The following XKR4 variants were observed in gnomAD, a reference collection of about 807,000 sequenced individuals.
The protein encoded by XKR4 is XK related 4, also known as XK-related protein 4.
Under a neutral mutation model 53.9 loss-of-function variants are expected in XKR4, and 12 were observed. The ratio of observed to expected loss-of-function variants is 0.22; its 90% confidence interval spans 0.14 to 0.36. XKR4 has a LOEUF of 0.36. Ranked by LOEUF, XKR4 falls within the 10% of genes least tolerant of loss-of-function variation. The probability of loss-of-function intolerance (pLI) is 1.00; values close to 1 mark genes in which losing one functional copy is unlikely to be tolerated. For synonymous variants in XKR4, 354 were observed against 362.4 expected, an observed-to-expected ratio of 0.98 and a Z score of 0.26; for missense variants, 799 against 859.5, an observed-to-expected ratio of 0.93 and a Z score of 0.88.
chr8:55,289,717 G>A (rs866681155), intron 1 of XKR4, among the ~76,000 whole-genome samples: 6 of 63,576 alleles, frequency 9.4e-5, no homozygotes, highest in African/African-American at 7.1e-5. Flanking sequence ...AAGAAAGAGA[G>A]AGAAAGAGAA....
intron 1 of XKR4, among the ~76,000 whole-genome samples, chr8:55,355,404 G>A (rs764807680): frequency 4.6e-5 from 7 of 152,066 alleles, no homozygotes; most frequent in Admixed American, 1.3e-4. Flanking sequence ...TAATCAAGAG[G>A]AGGCATCCAA....
intron 1 of XKR4, among the ~76,000 whole-genome samples, chr8:55,173,137 C>G (rs189099740): frequency 6.6e-6 from 1 of 152,132 alleles, no homozygotes; most frequent in Non-Finnish European, 1.5e-5. Context: ...GTCCTGCCCC[C>G]GATCTCCCAC....
intron 1 of XKR4, among the ~76,000 whole-genome samples, chr8:55,287,050 A>G (rs929296904): frequency 3.3e-5 from 5 of 151,566 alleles, no homozygotes; most frequent in African/African-American, 1.2e-4. Context: ...TCTGTAGACC[A>G]TTGAAACTAT....
At chr8:55,360,825 C>T (rs1417454414) in intron 2 of XKR4, among the ~76,000 whole-genome samples, 1 of 152,220 alleles carries the variant, frequency 6.6e-6, no homozygotes, top group African/African-American at 2.4e-5. Flanking sequence ...AGCTGGGTAG[C>T]CCTAGAACAC....
At chr8:55,353,172 G>C (rs1803749543) in intron 1 of XKR4, among the ~76,000 whole-genome samples, 1 of 152,110 alleles carries the variant, frequency 6.6e-6, no homozygotes, top group African/African-American at 2.4e-5. Flanking sequence ...AAAGTGTTAG[G>C]GTTGAATCGT....
chr8:55,452,665 C>T, intron 2 of XKR4: 1 of 1,431,670 alleles, frequency 7.0e-7, no homozygotes, highest in South Asian at 1.1e-5. Flanking sequence ...CTGGTGACCC[C>T]ACTCTCTGTG....
rs1807009479 is a variant in XKR4 at position 55,534,852 on chromosome 8, A to C, written c.*10625A>C. 1 of 151,542 alleles carries C rather than the reference A, an allele frequency of 6.6e-6. No individual in the cohort carries two copies. Among genetic ancestry groups the C allele is most frequent in the Non-Finnish European group, 1.5e-5 (1 of 67,920 alleles). 9.4% of individuals were successfully genotyped at this position (151,542 alleles called of 1,614,324 possible). A position where few individuals can be genotyped will look rare whatever the true frequency, so the allele number is the denominator to read the frequency against. On this transcript the variant is annotated 3_prime_UTR_variant, in exon 3 of 3. Transcript: ENST00000327381. Reference sequence around the variant, plus strand: ...ATCAGGTCATAGTTTCAGAGTATGCAAGAGAGTCGGGCCTTCATATGTTCT... The same window carrying C: ...ATCAGGTCATAGTTTCAGAGTATGCCAGAGAGTCGGGCCTTCATATGTTCT...
chr8:55,236,989 G>T (rs1293916567), intron 1 of XKR4, among the ~76,000 whole-genome samples: 1 of 152,208 alleles, frequency 6.6e-6, no homozygotes, highest in Non-Finnish European at 1.5e-5. Context: ...TGAAAAGCGG[G>T]AAATGAATTT....
intron 2 of XKR4, chr8:55,449,699 A>T (rs575898774): frequency 4.9e-5 from 44 of 891,100 alleles, no homozygotes; most frequent in Non-Finnish European, 5.9e-5. Context: ...CACCAGGTCG[A>T]TGACACCCTT....
chr8:55,370,634 A>G (rs1011134298), intron 2 of XKR4, among the ~76,000 whole-genome samples: 12 of 152,348 alleles, frequency 7.9e-5, no homozygotes, highest in Admixed American at 2.6e-4. Flanking sequence ...CAGCCCCTAC[A>G]TAGGAGAGTT....
chr8:55,378,759 A>G (rs1370742391), intron 2 of XKR4, among the ~76,000 whole-genome samples: 4 of 152,192 alleles, frequency 2.6e-5, no homozygotes, highest in African/African-American at 7.2e-5. Flanking sequence ...CCCTGACTCT[A>G]TGATTCTCTA....
chr8:55,365,767 G>T (rs1803974083), intron 2 of XKR4, among the ~76,000 whole-genome samples: 2 of 151,924 alleles, frequency 1.3e-5, no homozygotes, highest in South Asian at 4.2e-4. Context: ...GGTGCTGGGA[G>T]GGTGAGAGGA....
intron 2 of XKR4, among the ~76,000 whole-genome samples, chr8:55,436,858 G>T (rs1352884865): frequency 6.6e-6 from 1 of 152,130 alleles, no homozygotes; most frequent in Non-Finnish European, 1.5e-5. Flanking sequence ...ATCACAGAGG[G>T]CCCGGTAGCT....
intron 2 of XKR4, among the ~76,000 whole-genome samples, chr8:55,456,643 A>G (rs1259936193): frequency 6.6e-6 from 1 of 152,234 alleles, no homozygotes; most frequent in Non-Finnish European, 1.5e-5. Flanking sequence ...CAATATGAAG[A>G]TTTTGCTTGT....
rs75291621 is a variant in XKR4 at position 55,148,413 on chromosome 8, T to A, written c.806+45119T>A. On this transcript the variant is annotated intron_variant, in intron 1 of 2. Coordinates refer to ENST00000327381, the MANE Select transcript of XKR4 (RefSeq NM_052898.2). ...GAGGAAGACCCTGTCTAAAAAAAAA[T>A]ATATATATATATACCATAGCTTAGG... Among the ~76,000 whole-genome samples, 146 of 151,192 alleles carry A rather than the reference T, an allele frequency of 9.7e-4. 1 individual carries two copies. Among genetic ancestry groups the A allele is most frequent in the East Asian group, 9.6e-3 (49 of 5,124 alleles).
At chr8:55,133,786 T>C (rs1290749681) in intron 1 of XKR4, among the ~76,000 whole-genome samples, 1 of 152,222 alleles carries the variant, frequency 6.6e-6, no homozygotes, top group Non-Finnish European at 1.5e-5. Flanking sequence ...TTAAAAGAGA[T>C]GGACAGGGAG....
At chr8:55,257,302 A>G (rs1388985952) in intron 1 of XKR4, among the ~76,000 whole-genome samples, 1 of 152,220 alleles carries the variant, frequency 6.6e-6, no homozygotes, top group African/African-American at 2.4e-5. Flanking sequence ...GTGAGTTCAT[A>G]TAATAAATAT....
intron 2 of XKR4, chr8:55,452,077 G>T: frequency 1.4e-6 from 1 of 703,332 alleles, no homozygotes. Context: ...ACTCGGGGTG[G>T]CTGGCCGGGT....
At chr8:55,108,250 G>A (rs1816180331) in intron 1 of XKR4, among the ~76,000 whole-genome samples, 1 of 152,148 alleles carries the variant, frequency 6.6e-6, no homozygotes, top group South Asian at 2.1e-4. Context: ...ATGGAGTGAG[G>A]GAGGGAGAGT....
Sources: gnomAD v4.1 joint callset for allele counts (sites outside exome capture counted in the v4.1 genomes callset) on GRCh38, gnomAD v4.1.1 for gene constraint, MANE v1.5 for transcripts, NCBI Gene and HGNC (gene_info 2026-07-23, HGNC 2026-07-21) for gene names.